The following DDX6 variants were observed in gnomAD, a reference collection of about 807,000 sequenced individuals.
DDX6 encodes DEAD-box helicase 6.
A neutral mutation model predicts 60.6 loss-of-function variants in DDX6; 7 were observed. The ratio of observed to expected loss-of-function variants is 0.12; its 90% CI spans 0.07 to 0.22. The LOEUF is 0.22. DDX6 is among the 10% of genes least tolerant of loss of function. The pLI is 1.00. For missense variants in DDX6, 270 were observed against 589.9 expected, an observed-to-expected ratio of 0.46 and a Z score of 5.62; for synonymous variants, 207 against 201.0, an observed-to-expected ratio of 1.03 and a Z score of -0.25.
intron 1 of DDX6, among the ~76,000 whole-genome samples, chr11:118,790,671 C>A (rs1030803916): frequency 5.3e-5 from 8 of 152,160 alleles, no homozygotes; most frequent in Non-Finnish European, 1.2e-4. Context: ...TCCTGCCGAC[C>A]CTGCTGCGCA....
intron 13 of DDX6, 35 bp downstream of exon 13, chr11:118,754,670 A>G: frequency 6.5e-7 from 1 of 1,539,534 alleles, no homozygotes. Flanking sequence ...TCCCTCATTT[A>G]AAGGTTCCTC....
intron 3 of DDX6, 125 bp downstream of exon 3, chr11:118,780,996 T>A: frequency 4.9e-6 from 3 of 617,602 alleles, no homozygotes; most frequent in Non-Finnish European, 8.9e-6. Flanking sequence ...TCTTACTGGG[T>A]TGGAGGAGGA....
chr11:118,770,288 A>T (rs781814427), intron 4 of DDX6, among the ~76,000 whole-genome samples: 2 of 152,120 alleles, frequency 1.3e-5, no homozygotes, highest in African/African-American at 2.4e-5. Flanking sequence ...TCGGCCTCCC[A>T]AAGTGTTGGG....
At chr11:118,753,622 G>C (rs1860860351) in intron 13 of DDX6, among the ~76,000 whole-genome samples, 1 of 152,014 alleles carries the variant, frequency 6.6e-6, no homozygotes, top group Non-Finnish European at 1.5e-5. Flanking sequence ...ACAGGTGTGA[G>C]CCACCGCACC....
chr11:118,763,387 T>C, intron 6 of DDX6, 81 bp from the exon 7 acceptor site: 2 of 1,047,092 alleles, frequency 1.9e-6, no homozygotes, highest in South Asian at 1.3e-5. Context: ...ATTACAGTCC[T>C]GAGCTGCTTA....
rs1444921675 is a variant in DDX6 at position 118,750,758 on chromosome 11, G to A, written c.*1347C>T. ...TCAAACTTTTAGAAAGGGGGAAGAA[G>A]CAAAATCAGAGCTTCTCAAAATAAA... On this transcript the variant is annotated 3_prime_UTR_variant, in exon 14 of 14. Transcript: ENST00000534980. 4 of 152,132 alleles carry A rather than the reference G, an allele frequency of 2.6e-5. No homozygotes were observed. Among genetic ancestry groups the A allele is most frequent in the Non-Finnish European group, 5.9e-5 (4 of 68,022 alleles). 9.4% of individuals were successfully genotyped at this position (152,132 alleles called of 1,614,324 possible). A position where few individuals can be genotyped will look rare whatever the true frequency, so the allele number is the denominator to read the frequency against.
chr11:118,778,020 T>TA (rs11311035), intron 4 of DDX6, among the ~76,000 whole-genome samples: 2,116 of 137,680 alleles, frequency 0.015, 47 homozygotes, highest in African/African-American at 0.051. Flanking sequence ...AGAATAATAA[T>TA]AAAAAAAAAA....
At position 118,783,319 on chromosome 11, in the gene DDX6, C is replaced by T. The variant is rs143428248; in HGVS notation, c.201-2135G>A. Among the ~76,000 whole-genome samples the T allele has an allele frequency of 3.0e-3, 451 of 152,282 alleles. 1 individual carries two copies. The highest frequency in any genetic ancestry group is 9.7e-3 in the African/African-American group (403 of 41,546). On this transcript the variant is annotated intron_variant, in intron 2 of 13. Coordinates refer to ENST00000534980, the MANE Select transcript of DDX6 (RefSeq NM_004397.6). ...TGAGATGGGGTCTTACCCTGTCACC[C>T]AGGCTTGAGTGCAGTGGTGCGATCA...
rs1860631669 is a variant in DDX6 at position 118,748,356 on chromosome 11, GAGC to G, written c.*3746_*3748del. On this transcript the variant is annotated 3_prime_UTR_variant, in exon 14 of 14. Transcript: ENST00000534980. ...AGATGAGTTTTTAGATCAGAAAGGAGAGCAGATTTTCTTTGGGAGTTTTAAAAA... is the reference window on the plus strand; with the variant it reads ...AGATGAGTTTTTAGATCAGAAAGGAGAGATTTTCTTTGGGAGTTTTAAAAA... The G allele has an allele frequency of 6.6e-6, 1 of 152,140 alleles. No individual in the cohort carries two copies. Among genetic ancestry groups the G allele is most frequent in the Non-Finnish European group, 1.5e-5 (1 of 68,018 alleles). 9.4% of individuals were successfully genotyped at this position (152,140 alleles called of 1,614,324 possible). A position where few individuals can be genotyped will look rare whatever the true frequency, so the allele number is the denominator to read the frequency against.
At chr11:118,777,483 T>C (rs916359630) in intron 4 of DDX6, among the ~76,000 whole-genome samples, 5 of 152,188 alleles carry the variant, frequency 3.3e-5, no homozygotes, top group Non-Finnish European at 5.9e-5. Flanking sequence ...GGGTACCTAA[T>C]GCCTGGGTCT....
chr11:118,769,920 G>T (rs1794383966), intron 4 of DDX6, among the ~76,000 whole-genome samples: 1 of 152,066 alleles, frequency 6.6e-6, no homozygotes, highest in South Asian at 2.1e-4. Flanking sequence ...GTGTTAGCCA[G>T]GATGGTGTTG....
In DDX6 at chr11:118,760,462, C is replaced by T. The variant is rs145363520; in HGVS notation, c.742-418G>A. 3.6e-3 allele frequency among the ~76,000 whole-genome samples: 553 copies of T among 152,230 alleles called. 4 individuals are homozygous for T. The highest frequency in any genetic ancestry group is 0.012 in the African/African-American group (492 of 41,534). ...GGACTACAGGCACATACCTCCATGC[C>T]CAGCTCCACAACAGAATTTTAATGT... On this transcript the variant is annotated intron_variant, in intron 7 of 13. Transcript: ENST00000534980.
chr11:118,790,871 C>A (rs1862253312), intron 1 of DDX6: 1 of 152,818 alleles, frequency 6.5e-6, no homozygotes. Context: ...CCTCGCGACT[C>A]GGGCCCGTGT....
chr11:118,785,874 T>C (rs1862057085), intron 2 of DDX6, 178 bp downstream of exon 2: 1 of 530,396 alleles, frequency 1.9e-6, no homozygotes, highest in Non-Finnish European at 3.2e-6. Context: ...GCTGAACAAA[T>C]TATGGCAGAA....
chr11:118,777,912 A>C (rs1355732715), intron 4 of DDX6, among the ~76,000 whole-genome samples: 4 of 151,108 alleles, frequency 2.6e-5, no homozygotes, highest in Non-Finnish European at 5.9e-5. Context: ...AAAAAAAAAA[A>C]AACCAAGAAA....
chr11:118,788,557 C>CCAG (rs2137569051), intron 1 of DDX6: 1 of 152,060 alleles, frequency 6.6e-6, no homozygotes, highest in Non-Finnish European at 1.5e-5. Flanking sequence ...GCCACCATGC[C>CCAG]CAGCTAATTT....
chr11:118,754,641 A>ATTTAAATTT, intron 13 of DDX6, 64 bp downstream of exon 13: 2 of 1,454,300 alleles, frequency 1.4e-6, no homozygotes, highest in Non-Finnish European at 1.9e-6. Context: ...AATTTCCCCC[A>ATTTAAATTT]GGAAAGAAGA....
In DDX6 at chr11:118,781,144, T is replaced by C. The variant is rs1555164635; in HGVS notation, c.241A>G (p.Lys81Glu). Residue 81 changes from lysine to glutamate, a missense_variant, in exon 3 of 14, where the codon AAG becomes GAG. This residue lies in a region of DDX6 where 102 missense variants were observed against 110.5 expected (regional missense o/e 0.92). Transcript: ENST00000534980. Reference protein sequence around the residue: ...DWKKTLKLPPKDLRIKTSDVT... With the variant: ...DWKKTLKLPPEDLRIKTSDVT... ...ACCGAAGTTTTGATTCTTAGATCCT[T>C]TGGAGGGAGTTTTAAAGTCTTTTTC... 1.9e-6 allele frequency: 3 copies of C among 1,605,850 alleles called. No individual in the cohort carries two copies. The highest frequency in any genetic ancestry group is 1.7e-5 in the Admixed American group (1 of 58,946).
intron 2 of DDX6, 39 bp downstream of exon 2, chr11:118,786,013 C>T: frequency 1.3e-6 from 2 of 1,575,046 alleles, no homozygotes; most frequent in Non-Finnish European, 1.7e-6. Context: ...AATCTTGGTT[C>T]CCCACAAGTG....
Sources: allele counts gnomAD v4.1 joint callset (sites outside exome capture counted in the v4.1 genomes callset), GRCh38; gene constraint gnomAD v4.1.1; regional missense constraint gnomAD v4.1.1; transcripts MANE v1.5; gene names NCBI Gene and HGNC (gene_info 2026-07-23, HGNC 2026-07-21).